ZNF77: variants seen among roughly 807,000 people sequenced by gnomAD.
ZNF77 encodes ZNFpT1.
Under a neutral mutation model 13.5 loss-of-function variants are expected in ZNF77, and 15 were observed. The ratio of observed to expected loss-of-function variants is 1.11; its 90% CI spans 0.74 to 1.71. ZNF77 has a LOEUF of 1.71. ZNF77 is among the 40% of genes most tolerant of loss of function. The pLI, the probability that ZNF77 is intolerant of heterozygous loss-of-function variation, is 0.00. For missense variants in ZNF77, 717 were observed against 676.4 expected (o/e 1.06, Z -0.67); for synonymous variants, 282 against 250.0 (o/e 1.13, Z -1.21).
intron 2 of ZNF77, among the ~76,000 whole-genome samples, chr19:2,937,389 G>GT: frequency 6.6e-6 from 1 of 152,128 alleles, no homozygotes; most frequent in East Asian, 1.9e-4. Flanking sequence ...GGAGGCTGAG[G>GT]CAGAAGAATC....
At chr19:2,941,126 G>A (rs12608874) in intron 1 of ZNF77, among the ~76,000 whole-genome samples, 28,465 of 143,848 alleles carry the variant, frequency 0.2, 3,014 homozygotes, top group East Asian at 0.35. Flanking sequence ...AGTGAGCCAC[G>A]ATGTCACCAC....
Position 2,936,627 on chromosome 19 carries a change from C to A in ZNF77, c.208G>T (p.Glu70Ter). The A allele has an allele frequency of 6.2e-7, 1 of 1,610,978 alleles. No individual in the cohort carries two copies. The highest frequency in any genetic ancestry group is 8.5e-7 in the Non-Finnish European group (1 of 1,179,228). ...VFGNGISNDE[E>*]IVKFTGSDSW... ...TCACTTCCTGTGAACTTTACAATCT[C>A]TTCATCATTGGATATTCCATTCCCA... is the stretch of plus-strand genomic sequence containing the variant. Residue 70 changes from glutamate to a stop codon, truncating the protein, a stop_gained, in exon 3 of 4, where the codon GAG becomes TAG. Transcript: ENST00000314531. LOFTEE classifies it high-confidence loss of function.
intron 1 of ZNF77, 78 bp from the exon 2 acceptor site, chr19:2,939,485 G>A (rs567800431): frequency 6.3e-5 from 99 of 1,580,744 alleles, no homozygotes; most frequent in South Asian, 4.7e-5. Context: ...GAGGCTGACA[G>A]CCTGGGGAAC....
At chr19:2,938,969 A>T (rs1217996624) in intron 2 of ZNF77, among the ~76,000 whole-genome samples, 5 of 151,952 alleles carry the variant, frequency 3.3e-5, no homozygotes, top group African/African-American at 1.2e-4. Flanking sequence ...AAAATAAAAA[A>T]AAAAAAAAAG....
Position 2,936,448 on chromosome 19 carries a change from C to T in ZNF77, c.311+76G>A, listed in dbSNP as rs886624209. ...ACAGGCGCGAGCCCCTGTGCCCAGCCGATACTTTTCTTTGAATTGCAAGTT... is the reference window on the plus strand; with the variant it reads ...ACAGGCGCGAGCCCCTGTGCCCAGCTGATACTTTTCTTTGAATTGCAAGTT... On this transcript the variant is annotated intron_variant, in intron 3 of 3. Coordinates refer to ENST00000314531, the MANE Select transcript of ZNF77 (RefSeq NM_021217.3). The T allele has an allele frequency of 1.2e-5, 17 of 1,470,390 alleles. No individual in the cohort carries two copies. In the African/African-American group the frequency reaches 1.3e-4, roughly 11 times the overall value. The allele number at this position is 1,470,390 out of a possible 1,614,324, so 91.1% of individuals were successfully genotyped here. A position where few individuals can be genotyped will look rare whatever the true frequency, so the allele number is the denominator to read the frequency against.
chr19:2,933,511 A>T lies in ZNF77; in HGVS notation c.1616T>A (p.Val539Glu). ...FRYLASLQAHVRTHAGA is the reference protein window; with the variant it reads ...FRYLASLQAHERTHAGA ...GATTCACGCTCCAGCATGTGTTCTCACATGTGCTTGAAGCGATGCGAGATA... is the reference window on the plus strand; with the variant it reads ...GATTCACGCTCCAGCATGTGTTCTCTCATGTGCTTGAAGCGATGCGAGATA... The change falls in exon 4 of 4, where the codon GTG becomes GAG. Residue 539 changes from valine (V) to glutamate (E), a missense_variant. Physicochemically the swap from Val to Glu is moderately radical, Grantham distance 121. Coordinates refer to ENST00000314531, the MANE Select transcript of ZNF77 (RefSeq NM_021217.3). 6.3e-7 allele frequency: 1 copy of T among 1,584,862 alleles called. No individual in the cohort carries two copies. Among genetic ancestry groups the T allele is most frequent in the Non-Finnish European group, 8.6e-7 (1 of 1,161,722 alleles).
chr19:2,936,805 C>G (rs180724389), intron 2 of ZNF77, 101 bp from the exon 3 acceptor site: 1 of 1,091,482 alleles, frequency 9.2e-7, no homozygotes, highest in African/African-American at 1.6e-5. Flanking sequence ...AAAAATGTAC[C>G]GTTTATAAGG....
At chr19:2,935,074 A>G (rs1224651900) in intron 3 of ZNF77, among the ~76,000 whole-genome samples, 1 of 152,170 alleles carries the variant, frequency 6.6e-6, no homozygotes, top group African/African-American at 2.4e-5. Flanking sequence ...GCTGGAGTGC[A>G]GTGGCGCCAT....
At position 2,933,393 on chromosome 19, in the gene ZNF77, C is replaced by A. The variant is rs939648611; in HGVS notation, c.*96G>T. ...TTTAGGTACAAAATAAGTGCTATAC[C>A]AGGTTTTCCTACATGCTCTACATAA... On this transcript the variant is annotated 3_prime_UTR_variant, in exon 4 of 4. Coordinates refer to ENST00000314531, the MANE Select transcript of ZNF77 (RefSeq NM_021217.3). 3 of 1,430,108 alleles carry A rather than the reference C, an allele frequency of 2.1e-6. No homozygotes were observed. Among genetic ancestry groups the A allele is most frequent in the South Asian group, 3.2e-5 (2 of 63,206 alleles). 88.6% of individuals were successfully genotyped at this position (1,430,108 alleles called of 1,614,324 possible). A position where few individuals can be genotyped will look rare whatever the true frequency, so the allele number is the denominator to read the frequency against.
At chr19:2,941,828 G>T (rs183920386) in intron 1 of ZNF77, among the ~76,000 whole-genome samples, 12 of 152,162 alleles carry the variant, frequency 7.9e-5, no homozygotes, top group African/African-American at 2.9e-4. Context: ...CTAAGTCAGT[G>T]CTAGTTTCAT....
rs10633206 is a variant in ZNF77, at chr19:2,943,692, ATTTTTT to A, written c.3+1140_3+1145del. Among the ~76,000 whole-genome samples the A allele has an allele frequency of 3.8e-4, 29 of 76,762 alleles. No individual in the cohort carries two copies. The South Asian group carries it at 5.4e-3, about 14-fold the overall frequency. The allele number at this position is 76,762 out of a possible 152,430, so 50.4% of individuals were successfully genotyped here. ...TTTTCTCTCTCCTTCTCTAGCCAGG[ATTTTTT>A]TTTTTTTTTTTTTTTTTGGTTTTTG... On this transcript the variant is annotated intron_variant, in intron 1 of 3. Coordinates refer to ENST00000314531, the MANE Select transcript of ZNF77 (RefSeq NM_021217.3).
chr19:2,941,424 C>T (rs1015636271), intron 1 of ZNF77, among the ~76,000 whole-genome samples: 1 of 151,926 alleles, frequency 6.6e-6, no homozygotes, highest in Non-Finnish European at 1.5e-5. Flanking sequence ...TTGCAGTGAG[C>T]TGAGATCAAG....
rs1324286771 is a variant in ZNF77, at chr19:2,934,487, A to C, written c.640T>G (p.Cys214Gly). ...KSLSSKKSYE[C>G]QKCGKAFICP... ...ATGAAAGCTTTTCCACATTTCTGAC[A>C]TTCATAAGACTTTTTACTGCTGAGA... The change falls in exon 4 of 4, where the codon TGT becomes GGT. Residue 214 changes from cysteine to glycine, a missense_variant. Cys to Gly is a radical substitution (Grantham distance 159). Transcript: ENST00000314531. 1.9e-6 allele frequency: 3 copies of C among 1,614,214 alleles called. No homozygotes were observed. The South Asian group carries it at 3.3e-5, about 18-fold the overall frequency.
At chr19:2,938,079 C>T (rs570102390) in intron 2 of ZNF77, among the ~76,000 whole-genome samples, 2 of 152,160 alleles carry the variant, frequency 1.3e-5, no homozygotes, top group East Asian at 3.9e-4. Flanking sequence ...TTCTAACCCA[C>T]GATGCCAAAC....
In ZNF77 at chr19:2,934,118, A is replaced by G; in HGVS notation, c.1009T>C (p.Ser337Pro). 6.2e-7 allele frequency: 1 copy of G among 1,613,742 alleles called. No individual in the cohort carries two copies. Among genetic ancestry groups the G allele is most frequent in the Admixed American group, 1.7e-5 (1 of 59,970 alleles). ...KHCGKAFTCY[S>P]SLREHGRTHS... ...GTTCTCCCATGTTCTCGAAGAGACG[A>G]GTAACAAGTGAACGCTTTTCCGCAA... The change falls in exon 4 of 4, where the codon TCG becomes CCG. Residue 337 changes from serine to proline, a missense_variant. Transcript: ENST00000314531.
chr19:2,943,998 C>T (rs549443263), intron 1 of ZNF77, among the ~76,000 whole-genome samples: 1 of 152,042 alleles, frequency 6.6e-6, no homozygotes, highest in Admixed American at 6.6e-5. Context: ...GCGTGAGCCA[C>T]CGCGCCCGGC....
chr19:2,936,224 T>G (rs934598051), intron 3 of ZNF77, among the ~76,000 whole-genome samples: 22 of 151,946 alleles, frequency 1.4e-4, no homozygotes, highest in African/African-American at 4.1e-4. Context: ...CTCAGCTCAC[T>G]GCAACCTCCG....
Position 2,934,372 on chromosome 19 carries a change from TA to T in ZNF77, c.754del (p.Tyr252ThrfsTer8). ...CKVCGKTFMY[Y>X]SYLTRHVRTH... ...TCTTACGTGCCGTGTAAGGTAGGAG[TA>T]ATACATAAAGGTCTTCCCACATACT... On this transcript the variant is annotated frameshift_variant, in exon 4 of 4. Coordinates refer to ENST00000314531, the MANE Select transcript of ZNF77 (RefSeq NM_021217.3). LOFTEE classifies it low-confidence loss of function (END_TRUNC). The T allele has an allele frequency of 6.2e-7, 1 of 1,614,140 alleles. No homozygotes were observed. Among genetic ancestry groups the T allele is most frequent in the African/African-American group, 1.3e-5 (1 of 75,026 alleles).
chr19:2,933,516 T>TGCTTGAAGC lies in ZNF77; in HGVS notation c.1602_1610dup (p.Leu535_Ala537dup). On this transcript the variant is annotated inframe_insertion, in exon 4 of 4. Transcript: ENST00000314531. ...ACGCTCCAGCATGTGTTCTCACATGTGCTTGAAGCGATGCGAGATACCTGA... is the reference window on the plus strand; with the variant it reads ...ACGCTCCAGCATGTGTTCTCACATGTGCTTGAAGCGCTTGAAGCGATGCGAGATACCTGA... 1.3e-6 allele frequency: 2 copies of TGCTTGAAGC among 1,588,946 alleles called. No homozygotes were observed. The highest frequency in any genetic ancestry group is 1.7e-6 in the Non-Finnish European group (2 of 1,163,998).
Sources: gnomAD v4.1 joint callset for allele counts (sites outside exome capture counted in the v4.1 genomes callset) on GRCh38, gnomAD v4.1.1 for gene constraint, MANE v1.5 for transcripts, NCBI Gene and HGNC (gene_info 2026-07-23, HGNC 2026-07-21) for gene names.